The following BCL2L11 variants were observed in gnomAD, a reference collection of about 807,000 sequenced individuals.
BCL2L11 encodes BCL2 like 11.
In BCL2L11, 15 loss-of-function variants were observed where a neutral mutation model predicts 20.6. That is an observed-to-expected ratio of 0.73 (90% CI 0.49 to 1.12). The LOEUF (loss-of-function observed/expected upper bound fraction) is 1.12. BCL2L11 is among the 50% of genes most tolerant of loss of function. The pLI, the probability that BCL2L11 is intolerant of heterozygous loss-of-function variation, is 0.00. For synonymous variants in BCL2L11, 108 were observed against 92.8 expected (o/e 1.16, Z -0.94); for missense variants, 292 against 260.9 (o/e 1.12, Z -0.82).
chr2:111,146,998 G>A (rs142162747), intron 2 of BCL2L11, among the ~76,000 whole-genome samples: 1 of 152,164 alleles, frequency 6.6e-6, no homozygotes, highest in South Asian at 2.1e-4. Context: ...TAAAAAAATA[G>A]TGATAGGTGC....
intron 1 of BCL2L11, among the ~76,000 whole-genome samples, chr2:111,121,451 G>A (rs1025890666): frequency 6.6e-6 from 1 of 152,258 alleles, no homozygotes; most frequent in Non-Finnish European, 1.5e-5. Flanking sequence ...CTGCGCGCGG[G>A]CCTGGTGAAG....
intron 3 of BCL2L11, among the ~76,000 whole-genome samples, chr2:111,157,785 A>T (rs1425722061): frequency 6.6e-6 from 1 of 152,248 alleles, no homozygotes; most frequent in Non-Finnish European, 1.5e-5. Flanking sequence ...AGTTTGGTTT[A>T]TGCAAATGTA....
At chr2:111,137,653 T>C (rs1452908898) in intron 2 of BCL2L11, among the ~76,000 whole-genome samples, 6 of 146,428 alleles carry the variant, frequency 4.1e-5, no homozygotes, top group African/African-American at 7.8e-5. Context: ...TTTTTTTTTT[T>C]CAGGAAATGC....
intron 3 of BCL2L11, among the ~76,000 whole-genome samples, chr2:111,154,624 C>A (rs1037793055): frequency 6.6e-6 from 1 of 152,214 alleles, no homozygotes; most frequent in Admixed American, 6.5e-5. Flanking sequence ...TGTGGCACAG[C>A]AGGAAGCACA....
intron 2 of BCL2L11, chr2:111,130,080 A>G: frequency 2.6e-6 from 1 of 391,526 alleles, no homozygotes; most frequent in Non-Finnish European, 5.0e-6. Flanking sequence ...GGGAGGATTA[A>G]AAGAAGTATT....
intron 2 of BCL2L11, chr2:111,142,230 T>A (rs1405129705): frequency 8.3e-7 from 1 of 1,205,566 alleles, no homozygotes; most frequent in African/African-American, 1.5e-5. Context: ...TACCTCCTGT[T>A]CTTTTCCTTC....
At chr2:111,130,102 T>C in intron 2 of BCL2L11, 1 of 404,812 alleles carries the variant, frequency 2.5e-6, no homozygotes, top group Non-Finnish European at 4.8e-6. Context: ...ATTGTACTTT[T>C]ACTTCTCTTT....
intron 3 of BCL2L11, chr2:111,151,749 A>G (rs948561243): frequency 2.5e-6 from 3 of 1,216,014 alleles, no homozygotes. Context: ...AGAGTGCTGT[A>G]GTAATGATTC....
At position 111,124,148 on chromosome 2, in the gene BCL2L11, T is replaced by A. The variant is rs1248441219; in HGVS notation, c.394+9T>A. On this transcript the variant is annotated intron_variant, in intron 2 of 3. Transcript: ENST00000393256. ...CTATCTCAGTGCAATGGGTAAGCAA[T>A]GCCTGGGTAAGAGGCAGTTGACGTG... 6.3e-7 allele frequency: 1 copy of A among 1,595,788 alleles called. No homozygotes were observed. The highest frequency in any genetic ancestry group is 8.5e-7 in the Non-Finnish European group (1 of 1,170,482).
At chr2:111,160,064 A>G (rs1287425318) in intron 3 of BCL2L11, among the ~76,000 whole-genome samples, 1 of 152,216 alleles carries the variant, frequency 6.6e-6, no homozygotes, top group Non-Finnish European at 1.5e-5. Context: ...GGTTTATGAT[A>G]AATACTTATC....
chr2:111,125,824 C>T (rs1055649329), intron 2 of BCL2L11, among the ~76,000 whole-genome samples: 11 of 152,132 alleles, frequency 7.2e-5, no homozygotes, highest in African/African-American at 2.7e-4. Flanking sequence ...TTTATTATTG[C>T]TGTTACTACT....
intron 2 of BCL2L11, among the ~76,000 whole-genome samples, chr2:111,134,319 C>A (rs2074471109): frequency 6.6e-6 from 1 of 151,828 alleles, no homozygotes; most frequent in Non-Finnish European, 1.5e-5. Flanking sequence ...ATATATTGCT[C>A]TGTATCATTT....
In BCL2L11 at chr2:111,156,612, A is replaced by G. The variant is rs114249691; in HGVS notation, c.498+6465A>G. On this transcript the variant is annotated intron_variant, in intron 3 of 3. Coordinates refer to ENST00000393256, the MANE Select transcript of BCL2L11 (RefSeq NM_138621.5). ...ACATGTGGCTGGGATTATGTGGACTATGGATTGCTGGTTTTCCAAACAAGC... is the reference window on the plus strand; with the variant it reads ...ACATGTGGCTGGGATTATGTGGACTGTGGATTGCTGGTTTTCCAAACAAGC... Among the ~76,000 whole-genome samples the G allele has an allele frequency of 2.5e-3, 376 of 152,160 alleles. 3 individuals are homozygous for G. Among genetic ancestry groups the G allele is most frequent in the African/African-American group, 8.9e-3 (368 of 41,520 alleles).
intron 3 of BCL2L11, among the ~76,000 whole-genome samples, chr2:111,155,814 G>T (rs2077765888): frequency 6.6e-6 from 1 of 152,184 alleles, no homozygotes; most frequent in Non-Finnish European, 1.5e-5. Context: ...GTGATCTTTT[G>T]TTTACACTGC....
chr2:111,123,325 A>C, intron 1 of BCL2L11: 1 of 985,520 alleles, frequency 1.0e-6, no homozygotes, highest in South Asian at 4.7e-5. Context: ...GCCGCCTGCA[A>C]TCGCTGCATC....
rs972813591 is a variant in BCL2L11 at position 111,165,142 on chromosome 2, G to A, written c.*911G>A. 3 of 152,228 alleles carry A rather than the reference G, an allele frequency of 2.0e-5. No individual in the cohort carries two copies. The highest frequency in any genetic ancestry group is 4.8e-5 in the African/African-American group (2 of 41,460). 9.4% of individuals were successfully genotyped at this position (152,228 alleles called of 1,614,324 possible). ...GTGTTGGTTTTCATTCCATTTCGAC[G>A]AGCATGTTATTGGGAAGTATTCTGA... On this transcript the variant is annotated 3_prime_UTR_variant, in exon 4 of 4. Coordinates refer to ENST00000393256, the MANE Select transcript of BCL2L11 (RefSeq NM_138621.5).
In BCL2L11 at chr2:111,164,270, T is replaced by A. The variant is rs1418493466; in HGVS notation, c.*39T>A. 2 of 1,493,408 alleles carry A rather than the reference T, an allele frequency of 1.3e-6. No homozygotes were observed. The highest frequency in any genetic ancestry group is 1.9e-6 in the Non-Finnish European group (2 of 1,070,376). The allele number at this position is 1,493,408 out of a possible 1,614,324, so 92.5% of individuals were successfully genotyped here. A position where few individuals can be genotyped will look rare whatever the true frequency, so the allele number is the denominator to read the frequency against. The stretch of plus-strand genomic sequence containing the variant: ...GAGCCGAGATACCATGCAGACATTT[T>A]GCTTGTTCAAACCAACAAGACCCAG... On this transcript the variant is annotated 3_prime_UTR_variant, in exon 4 of 4. Coordinates refer to ENST00000393256, the MANE Select transcript of BCL2L11 (RefSeq NM_138621.5).
chr2:111,160,478 G>T (rs1442635438), intron 3 of BCL2L11, among the ~76,000 whole-genome samples: 1 of 152,300 alleles, frequency 6.6e-6, no homozygotes, highest in East Asian at 1.9e-4. Flanking sequence ...GGGCTGTCAG[G>T]AACTGGTTCC....
At position 111,121,075 on chromosome 2, in the gene BCL2L11, C is replaced by A; in HGVS notation, c.-127C>A. ...CCTGCGAACCCTGCCACACTGCGAT[C>A]GCATCATCGCGGTATTCGGTTCGCT... On this transcript the variant is annotated 5_prime_UTR_variant, in exon 1 of 4. Coordinates refer to ENST00000393256, the MANE Select transcript of BCL2L11 (RefSeq NM_138621.5). 1 of 338,394 alleles carries A rather than the reference C, an allele frequency of 3.0e-6. No individual in the cohort carries two copies. Among genetic ancestry groups the A allele is most frequent in the Non-Finnish European group, 5.3e-6 (1 of 187,816 alleles). 21.0% of individuals were successfully genotyped at this position (338,394 alleles called of 1,614,324 possible).
Sources: allele counts gnomAD v4.1 joint callset (sites outside exome capture counted in the v4.1 genomes callset), GRCh38; gene constraint gnomAD v4.1.1; transcripts MANE v1.5; gene names NCBI Gene and HGNC (gene_info 2026-07-23, HGNC 2026-07-21).